The following TSPAN15 variants were observed in gnomAD, a reference collection of about 807,000 sequenced individuals.
TSPAN15 encodes the protein tetraspanin-15.
TSPAN15 carries 20 observed loss-of-function variants against 34.5 expected under a neutral mutation model. The observed-to-expected ratio is 0.58, with a 90% confidence interval of 0.41 to 0.84. The LOEUF is 0.84. Ranked by LOEUF, TSPAN15 falls within the 40% of genes least tolerant of loss-of-function variation. The pLI is 0.00. For missense variants in TSPAN15, 313 were observed against 386.1 expected (o/e 0.81, Z 1.59); for synonymous variants, 155 against 153.9 (o/e 1.01, Z -0.05).
the TSPAN15 span, among the ~76,000 whole-genome samples, chr10:69,526,712 A>G: frequency 6.4e-5 from 9 of 140,150 alleles, no homozygotes; most frequent in African/African-American, 2.3e-4. Context: ...ATTGTTGGAG[A>G]CTGGGAGGTT....
chr10:69,505,304 G>A (rs1334884006), intron 6 of TSPAN15, among the ~76,000 whole-genome samples: 2 of 152,178 alleles, frequency 1.3e-5, no homozygotes, highest in African/African-American at 2.4e-5. Context: ...TTAGGCAGTG[G>A]GGGGTGCAGA....
At chr10:69,488,872 A>C (rs928729328) in intron 3 of TSPAN15, among the ~76,000 whole-genome samples, 2 of 152,226 alleles carry the variant, frequency 1.3e-5, no homozygotes, top group African/African-American at 4.8e-5. Flanking sequence ...ATCACAAGGC[A>C]AAGGGCAAAA....
chr10:69,524,903 C>T, the TSPAN15 span, among the ~76,000 whole-genome samples: 1 of 147,400 alleles, frequency 6.8e-6, no homozygotes, highest in African/African-American at 2.5e-5. Flanking sequence ...GCCTCAGCCT[C>T]CCAAGTACCT....
intron 6 of TSPAN15, 129 bp downstream of exon 6, chr10:69,504,614 G>C: frequency 6.4e-6 from 6 of 940,284 alleles, no homozygotes; most frequent in Non-Finnish European, 8.4e-6. Context: ...CTGTGACCCA[G>C]AGCCAGGACT....
At chr10:69,504,318 C>A in intron 5 of TSPAN15, 120 bp from the exon 6 acceptor site, 1 of 859,596 alleles carries the variant, frequency 1.2e-6, no homozygotes, top group Non-Finnish European at 1.8e-6. Flanking sequence ...ATCTCAGCTC[C>A]ATCCCTGCTG....
At chr10:69,539,397 A>AGAAGAG in the TSPAN15 span, among the ~76,000 whole-genome samples, 3 of 87,092 alleles carry the variant, frequency 3.4e-5, no homozygotes, top group Admixed American at 3.6e-4. Flanking sequence ...AGGAAGAGGA[A>AGAAGAG]GAAGAGGAAG....
chr10:69,540,111 G>A, the TSPAN15 span, among the ~76,000 whole-genome samples: 7 of 152,072 alleles, frequency 4.6e-5, no homozygotes, highest in South Asian at 1.2e-3. Context: ...GGCTGGTCTC[G>A]AACTCCTGAT....
At chr10:69,492,165 T>G (rs1737091559) in intron 3 of TSPAN15, among the ~76,000 whole-genome samples, 1 of 151,892 alleles carries the variant, frequency 6.6e-6, no homozygotes, top group African/African-American at 2.4e-5. Flanking sequence ...GGGAATGGGG[T>G]GGGGGCAGTG....
At position 69,451,698 on chromosome 10, in the gene TSPAN15, A is replaced by C; in HGVS notation, c.96+8A>C. Reference sequence around the variant, plus strand: ...TATTCCACCGTGTTCTGGGTGAGTGACCCCAGTAGGGCCCGGGGATGGGGG... The same window carrying C: ...TATTCCACCGTGTTCTGGGTGAGTGCCCCCAGTAGGGCCCGGGGATGGGGG... On this transcript the variant is annotated splice_region_variant and intron_variant, in intron 1 of 7. Transcript: ENST00000373290. 1 of 1,477,672 alleles carries C rather than the reference A, an allele frequency of 6.8e-7. No individual in the cohort carries two copies. The allele number at this position is 1,477,672 out of a possible 1,614,324, so 91.5% of individuals were successfully genotyped here.
At chr10:69,455,569 T>TC (rs1197038998) in intron 1 of TSPAN15, among the ~76,000 whole-genome samples, 3 of 118,204 alleles carry the variant, frequency 2.5e-5, no homozygotes, top group South Asian at 2.7e-4. Flanking sequence ...CTTTCTTTCT[T>TC]TCTCTTTTCT....
rs138843369 is a variant in TSPAN15 at position 69,461,361 on chromosome 10, G to T, written c.96+9671G>T. ...CATTTGCATCTGGGCCTGCAGGGAA[G>T]CAAGTATTTCACTGGAGGGTGGAAG... On this transcript the variant is annotated intron_variant, in intron 1 of 7. Coordinates refer to ENST00000373290, the MANE Select transcript of TSPAN15 (RefSeq NM_012339.5). 8.3e-3 allele frequency among the ~76,000 whole-genome samples: 1,259 copies of T among 152,304 alleles called. 10 individuals carry two copies. Among genetic ancestry groups the T allele is most frequent in the Non-Finnish European group, 0.012 (844 of 68,022 alleles).
the TSPAN15 span, among the ~76,000 whole-genome samples, chr10:69,540,256 G>A: frequency 9.9e-5 from 15 of 152,170 alleles, no homozygotes; most frequent in South Asian, 6.2e-4. Flanking sequence ...TTAGCCAGGC[G>A]TGGTGGCAGG....
intron 1 of TSPAN15, among the ~76,000 whole-genome samples, chr10:69,477,908 A>G (rs1046104352): frequency 2.8e-4 from 43 of 152,166 alleles, no homozygotes; most frequent in Non-Finnish European, 4.1e-4. Context: ...ATTAAGGGAG[A>G]TGAGATGATG....
At chr10:69,541,231 TG>T in the TSPAN15 span, among the ~76,000 whole-genome samples, 1 of 151,936 alleles carries the variant, frequency 6.6e-6, no homozygotes, top group African/African-American at 2.4e-5. Flanking sequence ...GAGGGTTCAG[TG>T]GGAGGAGGGT....
At chr10:69,484,830 A>G (rs1408160695) in intron 2 of TSPAN15, among the ~76,000 whole-genome samples, 1 of 152,156 alleles carries the variant, frequency 6.6e-6, no homozygotes, top group Non-Finnish European at 1.5e-5. Flanking sequence ...AACGAGGCCC[A>G]GCTCTCCTTA....
At chr10:69,530,802 CTCTCTCTCTCTCTCTCTCTA>C in the TSPAN15 span, among the ~76,000 whole-genome samples, 12 of 65,988 alleles carry the variant, frequency 1.8e-4, no homozygotes, top group South Asian at 6.3e-4. Flanking sequence ...CTCTCTCTCT[CTCTCTCTCTCTCTCTCTCTA>C]TATATATATA....
At chr10:69,529,276 T>C in the TSPAN15 span, among the ~76,000 whole-genome samples, 2 of 147,692 alleles carry the variant, frequency 1.4e-5, no homozygotes, top group South Asian at 4.3e-4. Context: ...CCCCCACTTG[T>C]TTTTGGCTCC....
chr10:69,459,795 C>T (rs1841203275), intron 1 of TSPAN15, among the ~76,000 whole-genome samples: 1 of 128,984 alleles, frequency 7.8e-6, no homozygotes, highest in Non-Finnish European at 1.8e-5. Context: ...GCTCTCTGAG[C>T]CTCCGAGATG....
intron 3 of TSPAN15, among the ~76,000 whole-genome samples, 192 bp downstream of exon 3, chr10:69,485,407 G>A (rs543499124): frequency 1.7e-4 from 26 of 152,292 alleles, no homozygotes; most frequent in East Asian, 5.8e-4. Flanking sequence ...ACATGAGAGC[G>A]CCTGGGGAGG....
Sources: allele counts gnomAD v4.1 joint callset (sites outside exome capture counted in the v4.1 genomes callset), GRCh38; gene constraint gnomAD v4.1.1; transcripts MANE v1.5; gene names NCBI Gene and HGNC (gene_info 2026-07-23, HGNC 2026-07-21).